RAB11FIP4: variants seen among roughly 807,000 people sequenced by gnomAD.
RAB11FIP4 encodes rab11 family-interacting protein 4.
In RAB11FIP4, 23 loss-of-function variants were observed where a neutral mutation model predicts 74.3. That is an observed-to-expected ratio of 0.31 (90% CI 0.22 to 0.44). The LOEUF (loss-of-function observed/expected upper bound fraction) is 0.44. RAB11FIP4 is among the 20% of genes least tolerant of loss of function. The pLI is 1.00. For synonymous variants in RAB11FIP4, 360 were observed against 359.9 expected (o/e 1.00, Z 0.00); for missense variants, 630 against 863.9 (o/e 0.73, Z 3.39).
intron 4 of RAB11FIP4, 45 bp downstream of exon 4, chr17:31,517,922 A>G: frequency 6.8e-7 from 1 of 1,462,156 alleles, no homozygotes; most frequent in East Asian, 2.5e-5. Flanking sequence ...CTCTCAGCCC[A>G]GAAATGTGGT....
intron 3 of RAB11FIP4, among the ~76,000 whole-genome samples, chr17:31,469,407 C>A (rs1282255853): frequency 6.6e-6 from 1 of 152,020 alleles, no homozygotes; most frequent in African/African-American, 2.4e-5. Flanking sequence ...ATCACTTGAG[C>A]CCAGGAGTTT....
At chr17:31,511,977 G>T (rs1039699755) in intron 3 of RAB11FIP4, among the ~76,000 whole-genome samples, 2 of 152,206 alleles carry the variant, frequency 1.3e-5, no homozygotes, top group African/African-American at 4.8e-5. Flanking sequence ...GGGACAGCGA[G>T]GTAGGGGTGC....
intron 1 of RAB11FIP4, among the ~76,000 whole-genome samples, chr17:31,402,801 A>AT (rs1171484891): frequency 1.3e-4 from 19 of 149,284 alleles, no homozygotes; most frequent in South Asian, 2.1e-4. Flanking sequence ...TTTTTTTTGT[A>AT]TTTTTAGTAG....
chr17:31,479,191 T>C (rs995180485), intron 3 of RAB11FIP4, among the ~76,000 whole-genome samples: 1 of 152,206 alleles, frequency 6.6e-6, no homozygotes. Context: ...TTATCAACAA[T>C]AGGCTGCAGG....
chr17:31,420,362 G>T (rs2071187387), intron 1 of RAB11FIP4, among the ~76,000 whole-genome samples: 1 of 151,692 alleles, frequency 6.6e-6, no homozygotes, highest in African/African-American at 2.4e-5. Context: ...AACCCCGGTA[G>T]CTGGGACCAG....
At chr17:31,433,570 TAC>T (rs1191412428) in intron 2 of RAB11FIP4, among the ~76,000 whole-genome samples, 1 of 152,220 alleles carries the variant, frequency 6.6e-6, no homozygotes. Context: ...GCCAGCCGTG[TAC>T]AGAGTCAGCA....
At chr17:31,417,405 A>G (rs2151622113) in intron 1 of RAB11FIP4, among the ~76,000 whole-genome samples, 1 of 152,226 alleles carries the variant, frequency 6.6e-6, no homozygotes, top group African/African-American at 2.4e-5. Context: ...CTGTCTTTGT[A>G]GGCCCCTCTC....
chr17:31,521,846 C>T (rs577257219), intron 5 of RAB11FIP4, 69 bp from the exon 6 acceptor site: 2 of 1,592,862 alleles, frequency 1.3e-6, no homozygotes, highest in African/African-American at 2.7e-5. Context: ...AAAGTCAGCT[C>T]AGCAGGGTGG....
intron 3 of RAB11FIP4, among the ~76,000 whole-genome samples, chr17:31,514,624 G>A (rs2142800175): frequency 6.6e-6 from 1 of 152,350 alleles, no homozygotes; most frequent in East Asian, 1.9e-4. Context: ...CCACAGGGCG[G>A]GCATTCCCAG....
intron 1 of RAB11FIP4, among the ~76,000 whole-genome samples, chr17:31,427,285 C>T (rs2071262386): frequency 6.6e-6 from 1 of 152,192 alleles, no homozygotes; most frequent in Non-Finnish European, 1.5e-5. Flanking sequence ...GTGGCCACTA[C>T]TCTGGGGCTG....
chr17:31,517,470 G>A (rs1480296583), intron 3 of RAB11FIP4, among the ~76,000 whole-genome samples, 181 bp from the exon 4 acceptor site: 1 of 152,118 alleles, frequency 6.6e-6, no homozygotes, highest in Non-Finnish European at 1.5e-5. Context: ...GAGTCAGCCA[G>A]TATGAGAGGT....
intron 4 of RAB11FIP4, among the ~76,000 whole-genome samples, chr17:31,520,732 C>T (rs1454237363): frequency 6.6e-6 from 1 of 152,184 alleles, no homozygotes; most frequent in Non-Finnish European, 1.5e-5. Flanking sequence ...TGGTCTCGAT[C>T]TCCTGACCTC....
chr17:31,414,889 A>C (rs1363515108), intron 1 of RAB11FIP4, among the ~76,000 whole-genome samples: 1 of 152,244 alleles, frequency 6.6e-6, no homozygotes, highest in Non-Finnish European at 1.5e-5. Flanking sequence ...ATTCTTCCTT[A>C]TAACACAAGG....
intron 3 of RAB11FIP4, among the ~76,000 whole-genome samples, chr17:31,481,882 G>A (rs1169662065): frequency 2.0e-5 from 3 of 152,122 alleles, no homozygotes; most frequent in Non-Finnish European, 4.4e-5. Flanking sequence ...ATAAGACCAG[G>A]TCCCACCCCG....
At chr17:31,504,343 G>A (rs972059560) in intron 3 of RAB11FIP4, among the ~76,000 whole-genome samples, 23 of 152,130 alleles carry the variant, frequency 1.5e-4, no homozygotes, top group Admixed American at 5.9e-4. Flanking sequence ...GTGTTAGCCA[G>A]GATGGTCTTG....
intron 3 of RAB11FIP4, among the ~76,000 whole-genome samples, chr17:31,469,431 G>A (rs2071717048): frequency 6.6e-6 from 1 of 151,998 alleles, no homozygotes; most frequent in African/African-American, 2.4e-5. Flanking sequence ...ACTAGCCTGT[G>A]CAACATAATG....
At chr17:31,511,902 AGG>A in intron 3 of RAB11FIP4, among the ~76,000 whole-genome samples, 1 of 152,116 alleles carries the variant, frequency 6.6e-6, no homozygotes, top group Admixed American at 6.5e-5. Flanking sequence ...AAGACTGGAG[AGG>A]GCCCCACGGC....
intron 8 of RAB11FIP4, 115 bp downstream of exon 8, chr17:31,523,726 G>T: frequency 8.9e-7 from 1 of 1,125,658 alleles, no homozygotes; most frequent in African/African-American, 1.5e-5. Flanking sequence ...CCTAGGAATT[G>T]GGGGCAGGTG....
At chr17:31,489,761 C>T (rs1204254610) in intron 3 of RAB11FIP4, among the ~76,000 whole-genome samples, 3 of 152,082 alleles carry the variant, frequency 2.0e-5, no homozygotes, top group African/African-American at 7.2e-5. Context: ...TGAGGGAAGC[C>T]GCTAGGGTTC....
Sources: allele counts gnomAD v4.1 joint callset (sites outside exome capture counted in the v4.1 genomes callset), GRCh38; gene constraint gnomAD v4.1.1; transcripts MANE v1.5; gene names NCBI Gene and HGNC (gene_info 2026-07-23, HGNC 2026-07-21).